Variants in TPD52L2 observed in about 807,000 individuals in gnomAD.
TPD52L2 encodes TPD52 like 2.
TPD52L2 carries 19 observed loss-of-function variants against 24.7 expected under a neutral mutation model. The observed-to-expected ratio is 0.77, with a 90% CI of 0.54 to 1.13. The LOEUF is 1.13. TPD52L2 is among the 50% of genes most tolerant of loss of function. The pLI is 0.00. For missense variants in TPD52L2, 236 were observed against 250.4 expected, an observed-to-expected ratio of 0.94 and a Z score of 0.39; for synonymous variants, 104 against 100.2, an observed-to-expected ratio of 1.04 and a Z score of -0.23.
intron 2 of TPD52L2, among the ~76,000 whole-genome samples, chr20:63,872,711 T>C (rs1427354554): frequency 1.3e-5 from 2 of 148,844 alleles, no homozygotes; most frequent in East Asian, 4.0e-4. Flanking sequence ...GTTGTTGTTT[T>C]GTTTTGTTTG....
At chr20:63,868,706 G>A (rs2052351069) in intron 1 of TPD52L2, among the ~76,000 whole-genome samples, 1 of 152,240 alleles carries the variant, frequency 6.6e-6, no homozygotes, top group African/African-American at 2.4e-5. Flanking sequence ...CACTTTGGGA[G>A]GCCAAGGCGG....
chr20:63,885,950 G>A, intron 5 of TPD52L2: 1 of 1,572,518 alleles, frequency 6.4e-7, no homozygotes, highest in Non-Finnish European at 8.8e-7. Context: ...GAGGAGGGCT[G>A]TGAGTGGGTG....
chr20:63,888,915 A>G (rs1044965586), intron 5 of TPD52L2: 2 of 540,316 alleles, frequency 3.7e-6, no homozygotes, highest in Non-Finnish European at 6.7e-6. Flanking sequence ...TATGACAGAG[A>G]GGGGCCGACA....
intron 1 of TPD52L2, among the ~76,000 whole-genome samples, chr20:63,868,560 G>A (rs905889137): frequency 5.3e-5 from 8 of 152,194 alleles, no homozygotes; most frequent in East Asian, 3.8e-4. Flanking sequence ...CTCCTAGTAC[G>A]TAATTTTAGC....
At chr20:63,882,488 C>T (rs2146226810) in intron 4 of TPD52L2, among the ~76,000 whole-genome samples, 1 of 152,350 alleles carries the variant, frequency 6.6e-6, no homozygotes, top group East Asian at 1.9e-4. Context: ...GGCAGGGTCG[C>T]CGAGAGCTCA....
At chr20:63,866,622 C>T (rs1415498630) in intron 1 of TPD52L2, among the ~76,000 whole-genome samples, 1 of 151,802 alleles carries the variant, frequency 6.6e-6, no homozygotes, top group Non-Finnish European at 1.5e-5. Flanking sequence ...CCATCATGCC[C>T]GGCTAATTTT....
intron 1 of TPD52L2, among the ~76,000 whole-genome samples, chr20:63,866,310 G>A (rs1177678575): frequency 6.6e-6 from 1 of 152,042 alleles, no homozygotes; most frequent in Middle Eastern, 3.2e-3. Flanking sequence ...TCACCATGTT[G>A]CCCAGGATGG....
chr20:63,869,232 C>T, intron 1 of TPD52L2, 64 bp from the exon 2 acceptor site: 3 of 1,596,058 alleles, frequency 1.9e-6, no homozygotes, highest in Non-Finnish European at 2.6e-6. Flanking sequence ...TGCTAGAGAC[C>T]TCTACCGTAT....
At chr20:63,883,922 G>A (rs954347701) in intron 5 of TPD52L2, among the ~76,000 whole-genome samples, 1 of 152,030 alleles carries the variant, frequency 6.6e-6, no homozygotes, top group African/African-American at 2.4e-5. Context: ...CTGCGCCAGT[G>A]CTTTCCCCTG....
chr20:63,873,367 T>A (rs2052538937), intron 2 of TPD52L2, among the ~76,000 whole-genome samples: 1 of 151,780 alleles, frequency 6.6e-6, no homozygotes, highest in Non-Finnish European at 1.5e-5. Context: ...CACACGCCTG[T>A]AATCCCAGCT....
At chr20:63,874,518 C>T (rs914320461) in intron 3 of TPD52L2, among the ~76,000 whole-genome samples, 4 of 151,984 alleles carry the variant, frequency 2.6e-5, no homozygotes, top group African/African-American at 4.8e-5. Context: ...GGATGACAGG[C>T]GTGCGCCACC....
chr20:63,873,243 A>G (rs2052533913), intron 2 of TPD52L2, among the ~76,000 whole-genome samples: 1 of 151,756 alleles, frequency 6.6e-6, no homozygotes, highest in Non-Finnish European at 1.5e-5. Flanking sequence ...TAATCCCAGC[A>G]CTTTGGGAGG....
At chr20:63,865,475 C>A in intron 1 of TPD52L2, 91 bp downstream of exon 1, 1 of 1,458,584 alleles carries the variant, frequency 6.9e-7, no homozygotes, top group South Asian at 1.3e-5. Context: ...ACTCTCTGTC[C>A]TCTCGGTCTC....
chr20:63,884,446 C>CT (rs2053020986), intron 5 of TPD52L2, among the ~76,000 whole-genome samples: 1 of 152,186 alleles, frequency 6.6e-6, no homozygotes, highest in African/African-American at 2.4e-5. Flanking sequence ...TTTGTTCAGA[C>CT]CATTGTGGTG....
In TPD52L2 at chr20:63,869,446, T is replaced by C. The variant is rs2052381418; in HGVS notation, c.165+5T>C. 6.2e-7 allele frequency: 1 copy of C among 1,613,860 alleles called. No homozygotes were observed. The highest frequency in any genetic ancestry group is 1.3e-5 in the African/African-American group (1 of 74,922). ...CTCAGGGCTGAGCTTACCAAGGTGC[T>C]GTGGCTTGGCTGTCTGTCCTGGGGT... On this transcript the variant is annotated splice_donor_5th_base_variant and intron_variant, in intron 2 of 6. Transcript: ENST00000346249.
intron 1 of TPD52L2, among the ~76,000 whole-genome samples, chr20:63,867,567 A>G (rs1310282616): frequency 1.3e-5 from 2 of 151,892 alleles, no homozygotes; most frequent in African/African-American, 4.8e-5. Context: ...CTCGTCTAAA[A>G]AAAAAAAAAA....
In TPD52L2 at chr20:63,877,604, GTC is replaced by G. The variant is rs1182563612; in HGVS notation, c.374+1731_374+1732del. ...CAGGCGGACGCACAGTGCAGACTCA[GTC>G]TGAAAATAGTCTTAGGAGACTTCAG... On this transcript the variant is annotated intron_variant, in intron 4 of 6. Transcript: ENST00000346249. This position sits in a 1 kb window ranked among gnomAD's most constrained non-coding sequence, Gnocchi z 4.1. Among the ~76,000 whole-genome samples the G allele has an allele frequency of 6.6e-6, 1 of 152,236 alleles. No individual in the cohort carries two copies. The highest frequency in any genetic ancestry group is 1.5e-5 in the Non-Finnish European group (1 of 68,040).
chr20:63,876,989 G>A (rs1353394493), intron 4 of TPD52L2: 8 of 454,256 alleles, frequency 1.8e-5, no homozygotes, highest in East Asian at 1.4e-4. Flanking sequence ...CTGGGGACCC[G>A]GGTGGTTCAT....
At chr20:63,889,150 T>A (rs756537627) in intron 5 of TPD52L2, 40 bp from the exon 6 acceptor site, 1 of 1,595,144 alleles carries the variant, frequency 6.3e-7, no homozygotes, top group South Asian at 1.1e-5. Flanking sequence ...AGCACAACCC[T>A]CTCCTCTTGA....
Sources: allele counts gnomAD v4.1 joint callset (sites outside exome capture counted in the v4.1 genomes callset), GRCh38; gene constraint gnomAD v4.1.1; non-coding constraint Gnocchi (gnomAD v3.1); transcripts MANE v1.5; gene names NCBI Gene and HGNC (gene_info 2026-07-23, HGNC 2026-07-21).